UNC5C: variants seen among roughly 807,000 people sequenced by gnomAD.
UNC5C encodes the protein unc-5 netrin receptor C.
In UNC5C, 47 loss-of-function variants were observed where a neutral mutation model predicts 99.8. That is an observed-to-expected ratio of 0.47 (90% CI 0.37 to 0.60). The LOEUF is 0.60. Ranked by LOEUF, UNC5C falls within the 20% of genes least tolerant of loss-of-function variation. The pLI, the probability that UNC5C is intolerant of heterozygous loss-of-function variation, is 0.00. For synonymous variants in UNC5C, 487 were observed against 452.2 expected (o/e 1.08, Z -0.98); for missense variants, 1,062 against 1,165.9 (o/e 0.91, Z 1.30).
At chr4:95,469,607 A>C (rs1027419998) in intron 1 of UNC5C, among the ~76,000 whole-genome samples, 25 of 152,038 alleles carry the variant, frequency 1.6e-4, no homozygotes, top group Non-Finnish European at 3.4e-4. Flanking sequence ...CTTAAACTGT[A>C]TTCATTTATC....
Position 95,396,097 on chromosome 4 carries a change from C to T in UNC5C, c.125-60466G>A, listed in dbSNP as rs188215619. On this transcript the variant is annotated intron_variant, in intron 1 of 15. Coordinates refer to ENST00000453304, the MANE Select transcript of UNC5C (RefSeq NM_003728.4). ...CCAATAACGAGGGCAAAGGTTTCAA[C>T]CTAGAATAAACCCAGAGGATATTAA... Among the ~76,000 whole-genome samples, 31 of 152,326 alleles carry T rather than the reference C, an allele frequency of 2.0e-4. No individual in the cohort carries two copies. In the Middle Eastern group the frequency reaches 0.01, roughly 50 times the overall value.
intron 1 of UNC5C, among the ~76,000 whole-genome samples, chr4:95,427,902 T>C (rs1272793886): frequency 6.6e-6 from 1 of 152,140 alleles, no homozygotes; most frequent in African/African-American, 2.4e-5. Flanking sequence ...TTCTTATGTG[T>C]GGTTTGAAGA....
intron 7 of UNC5C, among the ~76,000 whole-genome samples, chr4:95,228,003 CAG>C (rs1283808389): frequency 6.6e-6 from 1 of 152,106 alleles, no homozygotes; most frequent in Non-Finnish European, 1.5e-5. Flanking sequence ...TGTAAAAGAT[CAG>C]AGCCCATGTC....
chr4:95,492,364 T>G (rs1721517530), intron 1 of UNC5C, among the ~76,000 whole-genome samples: 1 of 151,398 alleles, frequency 6.6e-6, no homozygotes, highest in African/African-American at 2.4e-5. Context: ...GTCGTATCAA[T>G]TTTTGAATAT....
At chr4:95,279,953 T>G (rs2865419) in intron 3 of UNC5C, among the ~76,000 whole-genome samples, 36,882 of 152,036 alleles carry the variant, frequency 0.24, 8,572 homozygotes, top group African/African-American at 0.6. Context: ...GTGCAACCTA[T>G]ATCCTTCGCA....
intron 1 of UNC5C, among the ~76,000 whole-genome samples, chr4:95,546,325 T>C (rs1560501503): frequency 6.6e-6 from 1 of 152,190 alleles, no homozygotes; most frequent in Non-Finnish European, 1.5e-5. Context: ...ATTTATAAAA[T>C]GTGTGATTCT....
chr4:95,410,793 A>G (rs1192417886), intron 1 of UNC5C, among the ~76,000 whole-genome samples: 1 of 152,156 alleles, frequency 6.6e-6, no homozygotes, highest in East Asian at 1.9e-4. Flanking sequence ...TCCTACCCCA[A>G]TCAAGCCCCC....
chr4:95,273,441 T>C (rs1296682392), intron 4 of UNC5C, among the ~76,000 whole-genome samples: 3 of 152,208 alleles, frequency 2.0e-5, no homozygotes, highest in African/African-American at 7.2e-5. Flanking sequence ...CATGTGACAG[T>C]AACATTTTCT....
intron 1 of UNC5C, among the ~76,000 whole-genome samples, chr4:95,390,857 G>T (rs1267769999): frequency 1.3e-5 from 2 of 152,154 alleles, no homozygotes; most frequent in Non-Finnish European, 2.9e-5. Flanking sequence ...CTCCAGAGTA[G>T]CTAGGACTAC....
At chr4:95,377,288 A>G (rs1054448997) in intron 1 of UNC5C, among the ~76,000 whole-genome samples, 1 of 152,198 alleles carries the variant, frequency 6.6e-6, no homozygotes, top group Admixed American at 6.5e-5. Context: ...ACTGTTCAAC[A>G]TTTGCTTTGC....
At chr4:95,394,257 C>CAAA (rs11441712) in intron 1 of UNC5C, among the ~76,000 whole-genome samples, 69 of 132,636 alleles carry the variant, frequency 5.2e-4, no homozygotes, top group African/African-American at 1.7e-3. Flanking sequence ...TAGTAATTTA[C>CAAA]AAAAAAAAAA....
intron 3 of UNC5C, among the ~76,000 whole-genome samples, chr4:95,283,930 T>A (rs1016897561): frequency 6.6e-6 from 1 of 152,224 alleles, no homozygotes; most frequent in Non-Finnish European, 1.5e-5. Flanking sequence ...TTCAGAGAGA[T>A]GTTTACTTAA....
chr4:95,313,833 T>C (rs2149409381), intron 2 of UNC5C, among the ~76,000 whole-genome samples: 1 of 152,324 alleles, frequency 6.6e-6, no homozygotes, highest in African/African-American at 2.4e-5. Flanking sequence ...GAAAACATAT[T>C]CATCTAACAC....
At chr4:95,444,795 C>T (rs959687375) in intron 1 of UNC5C, among the ~76,000 whole-genome samples, 3 of 152,066 alleles carry the variant, frequency 2.0e-5, no homozygotes, top group Non-Finnish European at 4.4e-5. Context: ...TCTGAAAGTC[C>T]TATATCTGCA....
At chr4:95,373,266 C>A (rs1179794223) in intron 1 of UNC5C, among the ~76,000 whole-genome samples, 1 of 152,184 alleles carries the variant, frequency 6.6e-6, no homozygotes, top group Non-Finnish European at 1.5e-5. Context: ...TTTACCATGG[C>A]CTAGAATGCC....
chr4:95,298,466 G>T (rs1448297494), intron 3 of UNC5C, among the ~76,000 whole-genome samples: 1 of 152,044 alleles, frequency 6.6e-6, no homozygotes, highest in Non-Finnish European at 1.5e-5. Context: ...AGCCACTCTG[G>T]CCTCACTGCT....
chr4:95,425,617 T>G (rs2149458251), intron 1 of UNC5C, among the ~76,000 whole-genome samples: 1 of 152,364 alleles, frequency 6.6e-6, no homozygotes, highest in Non-Finnish European at 1.5e-5. Context: ...CCTTGTTAAC[T>G]TTATTTACTC....
intron 1 of UNC5C, among the ~76,000 whole-genome samples, chr4:95,514,035 G>T (rs1722148441): frequency 6.6e-6 from 1 of 152,068 alleles, no homozygotes; most frequent in African/African-American, 2.4e-5. Flanking sequence ...CGCTAAATTA[G>T]CCATAAATAA....
At chr4:95,464,026 C>T (rs758673081) in intron 1 of UNC5C, among the ~76,000 whole-genome samples, 12 of 152,200 alleles carry the variant, frequency 7.9e-5, no homozygotes, top group Middle Eastern at 3.4e-3. Flanking sequence ...TGAAATACAA[C>T]GGTATAAATA....
Sources: allele counts gnomAD v4.1 joint callset (sites outside exome capture counted in the v4.1 genomes callset), GRCh38; gene constraint gnomAD v4.1.1; transcripts MANE v1.5; gene names NCBI Gene and HGNC (gene_info 2026-07-23, HGNC 2026-07-21).